Variants in ANK2 observed in about 807,000 individuals in gnomAD.
The protein encoded by ANK2 is ankyrin 2, also known as ankyrin-2.
ANK2 carries 83 observed loss-of-function variants against 360.5 expected under a neutral mutation model. The ratio of observed to expected loss-of-function variants is 0.23; its 90% CI spans 0.19 to 0.28. The LOEUF (loss-of-function observed/expected upper bound fraction) is 0.28, where lower values mean the gene tolerates loss of function less well. Among genes scored for constraint, ANK2 ranks in the 10% least tolerant of loss-of-function variants. ANK2 has a pLI of 1.00. For synonymous variants in ANK2, 1,740 were observed against 1,759.5 expected, an observed-to-expected ratio of 0.99 and a Z score of 0.28; for missense variants, 4,201 against 4,795.7, an observed-to-expected ratio of 0.88 and a Z score of 3.66.
chr4:112,752,661 C>T, the ANK2 span, among the ~76,000 whole-genome samples: 20 of 151,634 alleles, frequency 1.3e-4, no homozygotes, highest in Non-Finnish European at 2.7e-4. Context: ...TGAACCACTG[C>T]ACCTTGCTCT....
chr4:112,955,908 A>G (rs1011767762), intron 2 of ANK2, among the ~76,000 whole-genome samples: 1 of 152,192 alleles, frequency 6.6e-6, no homozygotes, highest in Non-Finnish European at 1.5e-5. Context: ...GTGCTTATCA[A>G]TCACCTACTA....
At chr4:112,833,550 C>T (rs1426664621) in intron 1 of ANK2, among the ~76,000 whole-genome samples, 1 of 150,086 alleles carries the variant, frequency 6.7e-6, no homozygotes, top group Non-Finnish European at 1.5e-5. Context: ...GTCCCCCAGG[C>T]TGGAGTGCAG....
In ANK2 at chr4:112,919,233, G is replaced by A. The variant is rs535959755; in HGVS notation, c.21+14719G>A. ...TAGTGAAGACTTGTAGCAGTTATAT[G>A]GAGCAGGGTATAGCATTAAAGCAAT... On this transcript the variant is annotated intron_variant, in intron 2 of 30. Transcript: ENST00000503271. 2.8e-4 allele frequency among the ~76,000 whole-genome samples: 42 copies of A among 152,192 alleles called. No homozygotes were observed. The Middle Eastern group carries it at 0.01, about 37-fold the overall frequency.
intron 20 of ANK2, among the ~76,000 whole-genome samples, chr4:113,289,586 A>G (rs1253175374): frequency 1.3e-5 from 2 of 152,248 alleles, no homozygotes; most frequent in Non-Finnish European, 2.9e-5. Flanking sequence ...TTTCAAAGCC[A>G]TCATTCAAGA....
At chr4:113,030,412 G>A (rs1399960337) in intron 2 of ANK2, among the ~76,000 whole-genome samples, 3 of 152,032 alleles carry the variant, frequency 2.0e-5, no homozygotes, top group Admixed American at 1.3e-4. Flanking sequence ...ACTGGTTTGG[G>A]GCTACCTGAT....
At chr4:113,155,757 C>G (rs1469185106) in intron 1 of ANK2, among the ~76,000 whole-genome samples, 1 of 151,894 alleles carries the variant, frequency 6.6e-6, no homozygotes, top group Non-Finnish European at 1.5e-5. Flanking sequence ...AAATGTTATC[C>G]TTCTATATAA....
At chr4:113,100,775 A>G (rs1479348053) in intron 1 of ANK2, among the ~76,000 whole-genome samples, 2 of 152,184 alleles carry the variant, frequency 1.3e-5, no homozygotes, top group African/African-American at 2.4e-5. Flanking sequence ...TACAGTTTAC[A>G]ATGGAATATT....
chr4:112,717,523 T>C, the ANK2 span, among the ~76,000 whole-genome samples: 3 of 152,218 alleles, frequency 2.0e-5, no homozygotes, highest in African/African-American at 7.2e-5. Flanking sequence ...CGTACTGTGA[T>C]ATTCCTTAAA....
At chr4:113,006,421 A>G (rs1196002804) in intron 2 of ANK2, among the ~76,000 whole-genome samples, 1 of 152,252 alleles carries the variant, frequency 6.6e-6, no homozygotes, top group Non-Finnish European at 1.5e-5. Context: ...AACATGTGAA[A>G]GGAGGTACAA....
At position 113,355,285 on chromosome 4, in the gene ANK2, C is replaced by A. The variant is rs762987114; in HGVS notation, c.6667C>A (p.Pro2223Thr). ...SPCGSLMEGT[P>T]QISSEESYKH... Reference sequence around the variant, plus strand: ...GTGTGGCAGCCTGATGGAGGGGACCCCTCAGATTAGTTCAGAAGAAAGCTA... The same window carrying A: ...GTGTGGCAGCCTGATGGAGGGGACCACTCAGATTAGTTCAGAAGAAAGCTA... The change falls in exon 38 of 46, where the codon CCT (proline) becomes ACT (threonine). Residue 2223 changes from proline to threonine, a missense_variant. Transcript: ENST00000357077. 6.2e-7 allele frequency: 1 copy of A among 1,614,000 alleles called. No individual in the cohort carries two copies. Among genetic ancestry groups the A allele is most frequent in the South Asian group, 1.1e-5 (1 of 91,076 alleles).
chr4:112,966,658 G>T (rs1323315770), intron 2 of ANK2, among the ~76,000 whole-genome samples: 1 of 151,892 alleles, frequency 6.6e-6, no homozygotes, highest in African/African-American at 2.4e-5. Flanking sequence ...GATTTTTAGA[G>T]AATTAAAGGT....
chr4:112,840,722 T>C (rs896740011), intron 1 of ANK2, among the ~76,000 whole-genome samples: 1 of 152,222 alleles, frequency 6.6e-6, no homozygotes, highest in Non-Finnish European at 1.5e-5. Flanking sequence ...CATAAATTAA[T>C]TAATCCTAAT....
At chr4:112,762,473 CA>C in the ANK2 span, among the ~76,000 whole-genome samples, 5 of 151,958 alleles carry the variant, frequency 3.3e-5, no homozygotes, top group African/African-American at 1.2e-4. Flanking sequence ...AAATATTAAT[CA>C]AAAAAAGTAA....
chr4:113,151,901 C>CAA (rs34604677), intron 1 of ANK2, among the ~76,000 whole-genome samples: 11 of 108,316 alleles, frequency 1.0e-4, no homozygotes, highest in African/African-American at 2.6e-4. Context: ...CCCATCTCTA[C>CAA]AAAAAAAAAA....
At chr4:113,371,614 C>G (rs1302890802) in intron 43 of ANK2, among the ~76,000 whole-genome samples, 1 of 152,192 alleles carries the variant, frequency 6.6e-6, no homozygotes, top group African/African-American at 2.4e-5. Context: ...TCAGGCATTT[C>G]TCTTAAGCTT....
At chr4:112,984,853 A>G (rs973337829) in intron 2 of ANK2, among the ~76,000 whole-genome samples, 1 of 152,220 alleles carries the variant, frequency 6.6e-6, no homozygotes, top group African/African-American at 2.4e-5. Context: ...GCTCAATTAC[A>G]TTACCAGTGT....
At chr4:112,792,190 C>T in the ANK2 span, among the ~76,000 whole-genome samples, 2 of 151,726 alleles carry the variant, frequency 1.3e-5, no homozygotes, top group Non-Finnish European at 1.5e-5. Flanking sequence ...TACAGGCATG[C>T]GCCACCACAC....
At chr4:113,075,459 CA>C (rs1025901041) in intron 1 of ANK2, among the ~76,000 whole-genome samples, 17 of 152,154 alleles carry the variant, frequency 1.1e-4, no homozygotes, top group African/African-American at 3.9e-4. Flanking sequence ...CTGTGCTTTT[CA>C]AAAAGATGTC....
intron 1 of ANK2, among the ~76,000 whole-genome samples, chr4:112,872,885 T>C (rs1387271662): frequency 6.6e-6 from 1 of 152,160 alleles, no homozygotes; most frequent in Non-Finnish European, 1.5e-5. Flanking sequence ...AATTACTGAA[T>C]CAACTTCTTT....
Sources: gnomAD v4.1 joint callset for allele counts (sites outside exome capture counted in the v4.1 genomes callset) on GRCh38, gnomAD v4.1.1 for gene constraint, MANE v1.5 for transcripts, NCBI Gene and HGNC (gene_info 2026-07-23, HGNC 2026-07-21) for gene names.